The following ARHGEF26 variants were observed in gnomAD, a reference collection of about 807,000 sequenced individuals.
ARHGEF26 encodes the protein Rho guanine nucleotide exchange factor (GEF) 26.
ARHGEF26 carries 59 observed loss-of-function variants against 89.4 expected under a neutral mutation model. The ratio of observed to expected loss-of-function variants is 0.66; its 90% CI spans 0.54 to 0.82. The LOEUF is 0.82. ARHGEF26 is among the 40% of genes least tolerant of loss of function. The pLI, the probability that ARHGEF26 is intolerant of heterozygous loss-of-function variation, is 0.00. For missense variants in ARHGEF26, 1,234 were observed against 1,085.6 expected (o/e 1.14, Z -1.92); for synonymous variants, 500 against 428.4 (o/e 1.17, Z -2.06).
chr3:154,245,782 G>A (rs578018783), intron 12 of ARHGEF26, among the ~76,000 whole-genome samples: 15 of 152,290 alleles, frequency 9.8e-5, no homozygotes, highest in African/African-American at 3.4e-4. Flanking sequence ...CATTTCTCCA[G>A]ATTAATTCAG....
chr3:154,194,864 A>G (rs1714192691), intron 9 of ARHGEF26, 146 bp downstream of exon 9: 2 of 677,038 alleles, frequency 3.0e-6, no homozygotes, highest in Non-Finnish European at 5.1e-6. Flanking sequence ...AAACAAAATC[A>G]TATTTGCTAT....
At chr3:154,254,642 T>TAAG (rs1372929996) in intron 13 of ARHGEF26, 78 bp from the exon 14 acceptor site, 15 of 1,098,346 alleles carry the variant, frequency 1.4e-5, no homozygotes, top group Admixed American at 2.0e-5. Context: ...CAGAGAAAAA[T>TAAG]AAGTAAGTGT....
chr3:154,180,078 T>TACC (rs941719719), intron 6 of ARHGEF26, among the ~76,000 whole-genome samples: 1 of 152,172 alleles, frequency 6.6e-6, no homozygotes, highest in African/African-American at 2.4e-5. Flanking sequence ...GCCTACTGTG[T>TACC]ACCATCTTCT....
intron 7 of ARHGEF26, among the ~76,000 whole-genome samples, chr3:154,188,159 A>G (rs1191592486): frequency 6.6e-6 from 1 of 152,162 alleles, no homozygotes; most frequent in African/African-American, 2.4e-5. Context: ...TTTACTGGCA[A>G]TTAAGTGGTT....
At chr3:154,141,208 G>T (rs1054134880) in intron 4 of ARHGEF26, among the ~76,000 whole-genome samples, 6 of 151,742 alleles carry the variant, frequency 4.0e-5, no homozygotes, top group African/African-American at 9.7e-5. Flanking sequence ...CTCGTTTTCC[G>T]CCCGCCTCGG....
At chr3:154,186,320 A>G (rs1713543724) in intron 6 of ARHGEF26, among the ~76,000 whole-genome samples, 2 of 152,182 alleles carry the variant, frequency 1.3e-5, no homozygotes, top group Non-Finnish European at 2.9e-5. Context: ...AAACTACTCA[A>G]GTCTCCATCA....
chr3:154,237,211 C>T (rs1279419912), intron 11 of ARHGEF26, among the ~76,000 whole-genome samples: 1 of 152,040 alleles, frequency 6.6e-6, no homozygotes, highest in Non-Finnish European at 1.5e-5. Flanking sequence ...CTACTTCTGT[C>T]TTTATCCCCC....
chr3:154,187,255 A>G (rs113607740), intron 6 of ARHGEF26: 126 of 958,886 alleles, frequency 1.3e-4, no homozygotes, highest in Middle Eastern at 5.3e-4. Context: ...ATACAATAAA[A>G]TATATAAGCA....
chr3:154,162,541 A>G (rs1484279247), intron 6 of ARHGEF26, among the ~76,000 whole-genome samples: 1 of 152,148 alleles, frequency 6.6e-6, no homozygotes, highest in Non-Finnish European at 1.5e-5. Context: ...GATGAGGGGA[A>G]AAATGGATTC....
At chr3:154,196,047 GA>G (rs1195532104) in intron 9 of ARHGEF26, among the ~76,000 whole-genome samples, 2 of 150,102 alleles carry the variant, frequency 1.3e-5, no homozygotes, top group African/African-American at 4.9e-5. Context: ...GATAAAGTGG[GA>G]TAATGATTGA....
chr3:154,207,077 G>A (rs1390842394), intron 9 of ARHGEF26, among the ~76,000 whole-genome samples: 1 of 152,102 alleles, frequency 6.6e-6, no homozygotes, highest in African/African-American at 2.4e-5. Context: ...AATTGAAACT[G>A]GATTCCTTTC....
chr3:154,159,548 G>GT (rs1473573556), intron 6 of ARHGEF26, among the ~76,000 whole-genome samples: 3 of 152,012 alleles, frequency 2.0e-5, no homozygotes, highest in Non-Finnish European at 4.4e-5. Flanking sequence ...TTCTCCAGAA[G>GT]TTTTTTCCCT....
chr3:154,257,117 T>C lies in ARHGEF26; in HGVS notation c.*1644T>C. The C allele has an allele frequency of 1.9e-6, 2 of 1,049,436 alleles. No individual in the cohort carries two copies. The allele number at this position is 1,049,436 out of a possible 1,614,324, so 65.0% of individuals were successfully genotyped here. ...TACAGAAGCCCAGTTGAGGGGTAAG[T>C]GTGCCTGGCTCACACAGCCTGCACC... On this transcript the variant is annotated 3_prime_UTR_variant, in exon 15 of 15. Coordinates refer to ENST00000465093, the MANE Select transcript of ARHGEF26 (RefSeq NM_015595.4).
chr3:154,170,456 T>A (rs1205166082), intron 6 of ARHGEF26, among the ~76,000 whole-genome samples: 1 of 152,236 alleles, frequency 6.6e-6, no homozygotes, highest in African/African-American at 2.4e-5. Context: ...TTGCTTATTA[T>A]AAAACATCAT....
intron 9 of ARHGEF26, among the ~76,000 whole-genome samples, chr3:154,195,339 T>C (rs774031450): frequency 1.2e-4 from 18 of 152,164 alleles, no homozygotes; most frequent in Non-Finnish European, 2.2e-4. Flanking sequence ...GGGAACCAGC[T>C]GTGTGGGGCC....
intron 7 of ARHGEF26, 148 bp downstream of exon 7, chr3:154,187,985 T>G: frequency 1.2e-6 from 1 of 812,330 alleles, no homozygotes; most frequent in East Asian, 2.8e-5. Context: ...AGAGCATTAC[T>G]TTTAGGGTGA....
chr3:154,210,997 AAC>A (rs1715329427), intron 9 of ARHGEF26, among the ~76,000 whole-genome samples: 1 of 151,626 alleles, frequency 6.6e-6, no homozygotes, highest in Admixed American at 6.6e-5. Context: ...GGGGCCTCAC[AAC>A]AGTGAGCATT....
chr3:154,183,485 A>G (rs1713309119), intron 6 of ARHGEF26, among the ~76,000 whole-genome samples: 1 of 152,184 alleles, frequency 6.6e-6, no homozygotes, highest in South Asian at 2.1e-4. Context: ...CATCCAGGGA[A>G]CCAGAATACT....
rs1294054797 is a variant in ARHGEF26 at position 154,225,738 on chromosome 3, CAAT to C, written c.1936-117_1936-115del. ...AGTTCAGTTTTATATGCCTATAAAA[CAAT>C]GATGCATACTATGATAAGTATCATT... On this transcript the variant is annotated intron_variant, in intron 10 of 14. Coordinates refer to ENST00000465093, the MANE Select transcript of ARHGEF26 (RefSeq NM_015595.4). 5.2e-5 allele frequency: 57 copies of C among 1,090,924 alleles called. No individual in the cohort carries two copies. In the African/African-American group the frequency reaches 5.6e-4, roughly 11 times the overall value. The allele number at this position is 1,090,924 out of a possible 1,614,324, so 67.6% of individuals were successfully genotyped here.
Sources: gnomAD v4.1 joint callset for allele counts (sites outside exome capture counted in the v4.1 genomes callset) on GRCh38, gnomAD v4.1.1 for gene constraint, MANE v1.5 for transcripts, NCBI Gene and HGNC (gene_info 2026-07-23, HGNC 2026-07-21) for gene names.